Variants in RPAP1 observed in about 807,000 individuals in gnomAD.
The protein encoded by RPAP1 is RNA polymerase II-associated protein 1.
RPAP1 carries 109 observed loss-of-function variants against 142.4 expected under a neutral mutation model. That is an observed-to-expected ratio of 0.77 (90% CI 0.66 to 0.90). The LOEUF is 0.90. Among genes scored for constraint, RPAP1 ranks in the 40% least tolerant of loss-of-function variants. RPAP1 has a pLI of 0.00. For missense variants in RPAP1, 1,546 were observed against 1,751.7 expected (o/e 0.88, Z 2.10); for synonymous variants, 704 against 738.9 (o/e 0.95, Z 0.77).
rs2051800897 is a variant in RPAP1 at position 41,527,190 on chromosome 15, G to A, written c.1723C>T (p.His575Tyr). 1.1e-5 allele frequency: 17 copies of A among 1,614,106 alleles called. No individual in the cohort carries two copies. Among genetic ancestry groups the A allele is most frequent in the Non-Finnish European group, 1.4e-5 (17 of 1,180,038 alleles). The stretch of plus-strand genomic sequence containing the variant: ...ACCCTTGTGGCTGATTCCAGGGAAT[G>A]CCGGGCCAGGCGGATGAGCACAGCC... ...ILAVLIRLAR[H>Y]SLESATRVLE... Residue 575 changes from histidine (H) to tyrosine (Y), a missense_variant, in exon 13 of 25, where the codon CAT (histidine) becomes TAT (tyrosine). This residue lies in a region of RPAP1 where 1,333 missense variants were observed against 1,486.6 expected (regional missense o/e 0.90). Transcript: ENST00000304330.
Position 41,534,881 on chromosome 15 carries a change from C to T in RPAP1, c.596G>A (p.Gly199Glu). ...GGGTCCCTGAAAGCTGTGGCTGCTC[C>T]CAGGAAGCTGGCAGCCCTGGTTCCT... is the stretch of plus-strand genomic sequence containing the variant. ...TPRNQGCQLPGSSHSFQGPNL... is the reference protein window; with the variant it reads ...TPRNQGCQLPESSHSFQGPNL... Residue 199 changes from glycine (G) to glutamate (E), a missense_variant, in exon 6 of 25, where the codon GGG becomes GAG. Physicochemically the swap from Gly to Glu is moderately conservative, Grantham distance 98 (BLOSUM62 -2). Around this residue, in one of 3 missense-constraint regions of RPAP1, gnomAD observed 1,333 missense variants for 1,486.6 expected, o/e 0.90. Coordinates refer to ENST00000304330, the MANE Select transcript of RPAP1 (RefSeq NM_015540.4). 6.2e-7 allele frequency: 1 copy of T among 1,614,214 alleles called. No homozygotes were observed. The highest frequency in any genetic ancestry group is 8.5e-7 in the Non-Finnish European group (1 of 1,180,042).
chr15:41,527,168 C>G lies in RPAP1; in HGVS notation c.1745G>C (p.Arg582Thr), dbSNP rs761194201. ...LARHSLESAT[R>T]VLECPRLIET... ...ATTCCCTGCTCCCTTTTTTCTCACC[C>G]TTGTGGCTGATTCCAGGGAATGCCG... Residue 582 changes from arginine (R) to threonine (T), a missense_variant and splice_region_variant, in exon 13 of 25, where the codon AGG becomes ACG. This residue lies in a region of RPAP1 where 1,333 missense variants were observed against 1,486.6 expected (regional missense o/e 0.90). Coordinates refer to ENST00000304330, the MANE Select transcript of RPAP1 (RefSeq NM_015540.4). 2 of 1,613,988 alleles carry G rather than the reference C, an allele frequency of 1.2e-6. No homozygotes were observed. Among genetic ancestry groups the G allele is most frequent in the South Asian group, 2.2e-5 (2 of 91,076 alleles).
At chr15:41,536,902 T>C (rs2140787067) in intron 2 of RPAP1, 43 bp downstream of exon 2, 1 of 1,597,566 alleles carries the variant, frequency 6.3e-7, no homozygotes. Context: ...GGCCCGAGGC[T>C]GTACCCTCTC....
At chr15:41,541,772 G>A (rs1195700029) in intron 1 of RPAP1, among the ~76,000 whole-genome samples, 3 of 151,964 alleles carry the variant, frequency 2.0e-5, no homozygotes, top group Non-Finnish European at 2.9e-5. Context: ...GCGTGAACCC[G>A]GGAAGTGGAG....
Position 41,524,249 on chromosome 15 carries a change from A to G in RPAP1, c.2081T>C (p.Leu694Pro). 1 of 1,525,674 alleles carries G rather than the reference A, an allele frequency of 6.6e-7. No homozygotes were observed. Among genetic ancestry groups the G allele is most frequent in the Non-Finnish European group, 8.8e-7 (1 of 1,137,098 alleles). 94.5% of individuals were successfully genotyped at this position (1,525,674 alleles called of 1,614,324 possible). ...YGQGGYLYRELYPVLMRALQV... is the reference protein window; with the variant it reads ...YGQGGYLYREPYPVLMRALQV... ...CAAGGCCCGCATCAGCACTGGGTAG[A>G]GCTCCCTAGGGAAGAACAGGGACTG... Residue 694 changes from leucine to proline, a missense_variant, in exon 16 of 25, where the codon CTC becomes CCC. Leu to Pro is a moderately conservative substitution (Grantham distance 98). Around this residue, in one of 3 missense-constraint regions of RPAP1, gnomAD observed 1,333 missense variants for 1,486.6 expected, o/e 0.90. Transcript: ENST00000304330.
At chr15:41,526,138 TG>T (rs1476351720) in intron 14 of RPAP1, among the ~76,000 whole-genome samples, 2 of 151,762 alleles carry the variant, frequency 1.3e-5, no homozygotes, top group African/African-American at 2.4e-5. Flanking sequence ...TTAGTAGAGG[TG>T]GGGTTTTGCC....
chr15:41,543,165 TAAATGTGCG>T (rs1428457859), intron 1 of RPAP1, among the ~76,000 whole-genome samples: 1 of 149,996 alleles, frequency 6.7e-6, no homozygotes, highest in Non-Finnish European at 1.5e-5. Flanking sequence ...CTAAATGCAC[TAAATGTGCG>T]AAATTAGGCA....
In RPAP1 at chr15:41,534,686, T is replaced by C. The variant is rs755333508; in HGVS notation, c.763+28A>G. The C allele has an allele frequency of 2.6e-6, 4 of 1,561,056 alleles. No individual in the cohort carries two copies. In the South Asian group the frequency reaches 4.5e-5, roughly 17 times the overall value. ...AAGTGGTATTCCTCTCCTAGCCTGG[T>C]CTCAGCAGGAAAGCCAGGCACCCAT... is the stretch of plus-strand genomic sequence containing the variant. On this transcript the variant is annotated intron_variant, in intron 6 of 24. Transcript: ENST00000304330.
chr15:41,537,607 C>G (rs1430958172), intron 1 of RPAP1, among the ~76,000 whole-genome samples: 1 of 152,120 alleles, frequency 6.6e-6, no homozygotes, highest in African/African-American at 2.4e-5. Flanking sequence ...TGTGGCCAGG[C>G]GCAGTGGCTC....
rs369954246 is a variant in RPAP1, at chr15:41,523,874, G to T, written c.2333C>A (p.Thr778Asn). 1.2e-6 allele frequency: 2 copies of T among 1,608,024 alleles called. No individual in the cohort carries two copies. Among genetic ancestry groups the T allele is most frequent in the Non-Finnish European group, 1.7e-6 (2 of 1,177,080 alleles). Residue 778 changes from threonine (T) to asparagine (N), a missense_variant, in exon 17 of 25, where the codon ACC (threonine) becomes AAC (asparagine). By Grantham distance (65) the Thr-to-Asn change is moderately conservative (BLOSUM62 0). Around this residue, in one of 3 missense-constraint regions of RPAP1, gnomAD observed 1,333 missense variants for 1,486.6 expected, o/e 0.90. Coordinates refer to ENST00000304330, the MANE Select transcript of RPAP1 (RefSeq NM_015540.4). ...QPLVEPCLRQ[T>N]LKLLSRPEMW... ...CTCAGGTCTGGACAGCAACTTCAAG[G>T]TCTGCCTTAGACACGGCTCAACAAG... is the stretch of plus-strand genomic sequence containing the variant.
At chr15:41,523,684 A>G in intron 17 of RPAP1, 87 bp downstream of exon 17, 1 of 1,101,002 alleles carries the variant, frequency 9.1e-7, no homozygotes, top group South Asian at 1.3e-5. Context: ...AGGAGTGGAG[A>G]GATGGACACA....
intron 17 of RPAP1, 67 bp downstream of exon 17, chr15:41,523,704 C>T (rs1381842418): frequency 7.4e-7 from 1 of 1,348,308 alleles, no homozygotes; most frequent in Non-Finnish European, 1.0e-6. Flanking sequence ...AGAGAGGGAG[C>T]AACGGGTGGA....
At position 41,520,439 on chromosome 15, in the gene RPAP1, A is replaced by C. The variant is rs2051712388; in HGVS notation, c.3747T>G (p.Phe1249Leu). 6.2e-7 allele frequency: 1 copy of C among 1,613,698 alleles called. No homozygotes were observed. Among genetic ancestry groups the C allele is most frequent in the Non-Finnish European group, 8.5e-7 (1 of 1,179,712 alleles). The stretch of plus-strand genomic sequence containing the variant: ...CTCGCAAGGCTCCCACGTGTTCCCC[A>C]AAGAGGGCAAGGCGCAAGGTGACAC... ...RFSVTLRLAL[F>L]GEHVGALRAL... Residue 1249 changes from phenylalanine to leucine, a missense_variant, in exon 22 of 25, where the codon TTT becomes TTG. By Grantham distance (22) the Phe-to-Leu change is conservative. This residue lies in a region of RPAP1 where 210 missense variants were observed against 248.0 expected (regional missense o/e 0.85). Transcript: ENST00000304330.
intron 20 of RPAP1, 97 bp downstream of exon 20, chr15:41,522,001 T>C: frequency 1.3e-6 from 2 of 1,562,110 alleles, no homozygotes; most frequent in African/African-American, 2.7e-5. Context: ...TGGAGGAAAG[T>C]GGGAGCTGCA....
At position 41,536,140 on chromosome 15, in the gene RPAP1, G is replaced by A. The variant is rs150279215; in HGVS notation, c.409C>T (p.Arg137Trp). Reference protein sequence around the residue: ...VAFPAVFLRSRDTQGKSATSG... With the variant: ...VAFPAVFLRSWDTQGKSATSG... ...TTACCCTTGCCTACCTGTGTGTCCC[G>A]CGAGCGAAGGAACACAGCAGGGAAA... Residue 137 changes from arginine to tryptophan, a missense_variant, in exon 4 of 25, where the codon CGG becomes TGG. By Grantham distance (101) the Arg-to-Trp change is moderately radical. Transcript: ENST00000304330. The A allele has an allele frequency of 3.3e-4, 525 of 1,613,814 alleles. 2 individuals are homozygous for A. In the African/African-American group the frequency reaches 6.0e-3, roughly 19 times the overall value.
intron 2 of RPAP1, 31 bp from the exon 3 acceptor site, chr15:41,536,680 T>A: frequency 6.2e-7 from 1 of 1,607,558 alleles, no homozygotes; most frequent in Non-Finnish European, 8.5e-7. Context: ...AACGTGAGTA[T>A]ATGCACACCT....
At chr15:41,518,829 G>C (rs1317762885) in intron 22 of RPAP1, among the ~76,000 whole-genome samples, 3 of 152,154 alleles carry the variant, frequency 2.0e-5, no homozygotes, top group Non-Finnish European at 4.4e-5. Flanking sequence ...CTGAGCAACA[G>C]AGCGAGACTC....
At chr15:41,526,765 C>T (rs891504708) in intron 14 of RPAP1, 133 bp downstream of exon 14, 5 of 921,204 alleles carry the variant, frequency 5.4e-6, no homozygotes, top group Admixed American at 2.3e-5. Flanking sequence ...ATTTCTGTTG[C>T]ATTTCTAAGC....
intron 1 of RPAP1, among the ~76,000 whole-genome samples, chr15:41,540,994 A>AC (rs1364784204): frequency 4.6e-5 from 7 of 152,122 alleles, no homozygotes; most frequent in Non-Finnish European, 1.0e-4. Flanking sequence ...CCTAGTTGTG[A>AC]CAAGTAAAAA....
Sources: gnomAD v4.1 joint callset for allele counts (sites outside exome capture counted in the v4.1 genomes callset) on GRCh38, gnomAD v4.1.1 for gene constraint, gnomAD v4.1.1 regional missense constraint, MANE v1.5 for transcripts, NCBI Gene and HGNC (gene_info 2026-07-23, HGNC 2026-07-21) for gene names.